SLC2A7: variants seen among roughly 807,000 people sequenced by gnomAD.
SLC2A7 encodes solute carrier family 2 member 7, also known as solute carrier family 2, facilitated glucose transporter member 7.
Under a neutral mutation model 50.5 loss-of-function variants are expected in SLC2A7, and 50 were observed. The ratio of observed to expected loss-of-function variants is 0.99; its 90% CI spans 0.79 to 1.25. The LOEUF (loss-of-function observed/expected upper bound fraction) is 1.25, where lower values mean the gene tolerates loss of function less well. SLC2A7 is among the 50% of genes most tolerant of loss of function. The probability of loss-of-function intolerance (pLI) is 0.00; values close to 1 mark genes in which losing one functional copy is unlikely to be tolerated. For synonymous variants in SLC2A7, 308 were observed against 300.4 expected, an observed-to-expected ratio of 1.03 and a Z score of -0.26; for missense variants, 683 against 679.1, an observed-to-expected ratio of 1.01 and a Z score of -0.06.
intron 3 of SLC2A7, among the ~76,000 whole-genome samples, chr1:9,022,242 C>T (rs1204457037): frequency 2.6e-5 from 4 of 152,184 alleles, no homozygotes; most frequent in South Asian, 2.1e-4. Context: ...ACTGTGAGTC[C>T]GAATGAGTGG....
At chr1:9,015,022 C>T in intron 6 of SLC2A7, 95 bp downstream of exon 6, 5 of 1,560,946 alleles carry the variant, frequency 3.2e-6, no homozygotes, top group Non-Finnish European at 4.3e-6. Flanking sequence ...AGCTCTCACC[C>T]CTGACCCATG....
rs564561084 is a variant in SLC2A7, at chr1:9,008,150, G to A, written c.1117-765C>T. Among the ~76,000 whole-genome samples the A allele has an allele frequency of 6.6e-5, 10 of 152,112 alleles. No individual in the cohort carries two copies. Among genetic ancestry groups the A allele is most frequent in the East Asian group, 5.8e-4 (3 of 5,176 alleles). On this transcript the variant is annotated intron_variant, in intron 9 of 11. Transcript: ENST00000400906. The surrounding 1 kb of genome is among the most constrained non-coding windows in gnomAD (Gnocchi z 5.9). ...ACAGCCAATGCAAAACCGGGTCAAC[G>A]GACTTCAGCCAAACTAACCGGGTGC... is the stretch of plus-strand genomic sequence containing the variant.
At chr1:9,005,189 G>T (rs2124235504) in intron 10 of SLC2A7, among the ~76,000 whole-genome samples, 1 of 152,350 alleles carries the variant, frequency 6.6e-6, no homozygotes, top group East Asian at 1.9e-4. Context: ...GGGAGCAGCA[G>T]GAGTGAGTGG....
At chr1:8,994,835 A>G in the SLC2A7 span, among the ~76,000 whole-genome samples, 2 of 151,724 alleles carry the variant, frequency 1.3e-5, no homozygotes, top group Non-Finnish European at 2.9e-5. Context: ...CAGTAGCACA[A>G]TCTCGGCTCA....
chr1:9,000,003 T>C (rs951273671), downstream of SLC2A7, among the ~76,000 whole-genome samples: 5 of 152,170 alleles, frequency 3.3e-5, no homozygotes, highest in Non-Finnish European at 7.4e-5. Context: ...TTCCACCCGA[T>C]TTATGTGAGG....
intron 5 of SLC2A7, 58 bp from the exon 6 acceptor site, chr1:9,015,300 C>G: frequency 6.7e-7 from 1 of 1,503,142 alleles, no homozygotes; most frequent in Non-Finnish European, 8.8e-7. Flanking sequence ...GCCCACCTAC[C>G]ACTGTGCTCG....
chr1:9,004,958 G>T (rs1640633921), intron 10 of SLC2A7, 79 bp from the exon 11 acceptor site: 18 of 1,495,406 alleles, frequency 1.2e-5, no homozygotes, highest in Middle Eastern at 2.3e-4. Flanking sequence ...GCCCACTCTA[G>T]CCTCTGACCT....
At chr1:9,020,673 CTCTT>C (rs1640900076) in intron 3 of SLC2A7, among the ~76,000 whole-genome samples, 1 of 138,334 alleles carries the variant, frequency 7.2e-6, no homozygotes. Flanking sequence ...CTGATATTCT[CTCTT>C]TTTTTTTTTT....
intron 5 of SLC2A7, 118 bp downstream of exon 5, chr1:9,018,105 G>T: frequency 7.1e-7 from 1 of 1,400,628 alleles, no homozygotes. Flanking sequence ...CCACCACACT[G>T]CCCAACACCT....
At chr1:9,013,402 T>C in intron 8 of SLC2A7, 123 bp downstream of exon 8, 1 of 699,946 alleles carries the variant, frequency 1.4e-6, no homozygotes, top group Admixed American at 2.9e-5. Flanking sequence ...CTAAAGTCCA[T>C]GTCCCTTAAA....
chr1:8,998,703 T>C (rs1056639593), downstream of SLC2A7, among the ~76,000 whole-genome samples: 24 of 152,052 alleles, frequency 1.6e-4, no homozygotes, highest in African/African-American at 5.8e-4. Context: ...AAAAACAGCC[T>C]GCTGGAATTT....
At chr1:9,017,941 A>T (rs1193440303) in intron 5 of SLC2A7, among the ~76,000 whole-genome samples, 1 of 152,122 alleles carries the variant, frequency 6.6e-6, no homozygotes, top group African/African-American at 2.4e-5. Flanking sequence ...CATGGCTTGA[A>T]AGAAACCTCT....
intron 11 of SLC2A7, among the ~76,000 whole-genome samples, chr1:9,004,413 A>G (rs1640622040): frequency 6.6e-6 from 1 of 151,214 alleles, no homozygotes; most frequent in Non-Finnish European, 1.5e-5. Context: ...GAGAGCGCAG[A>G]GTTTGTGGCC....
intron 8 of SLC2A7, among the ~76,000 whole-genome samples, chr1:9,012,146 A>G (rs1404503880): frequency 6.6e-6 from 1 of 152,098 alleles, no homozygotes; most frequent in Non-Finnish European, 1.5e-5. Context: ...TAGCTGACTC[A>G]TGTCCTCCCA....
At chr1:8,993,834 G>T in the SLC2A7 span, among the ~76,000 whole-genome samples, 1 of 151,886 alleles carries the variant, frequency 6.6e-6, no homozygotes, top group Non-Finnish European at 1.5e-5. Flanking sequence ...TCACCATGTT[G>T]GCCAGGATGG....
chr1:9,004,860 C>T lies in SLC2A7; in HGVS notation c.1212G>A (p.Val404=), dbSNP rs1465555886. The T allele has an allele frequency of 1.2e-6, 2 of 1,613,732 alleles. No homozygotes were observed. Among genetic ancestry groups the T allele is most frequent in the African/African-American group, 1.3e-5 (1 of 74,880 alleles). Residue 404 remains valine, a synonymous_variant, in exon 11 of 12, where the codon GTG becomes GTA. Coordinates refer to ENST00000400906, the MANE Select transcript of SLC2A7 (RefSeq NM_207420.3). The part of the protein sequence containing the change: ...SIGPSPVPSV[V]RTEIFLQSSR... ...AGGACTGCAGGAAGATCTCGGTCCT[C>T]ACCACCGAGGGGACAGGACCTGGAG...
intron 8 of SLC2A7, among the ~76,000 whole-genome samples, chr1:9,011,533 C>A (rs1214126939): frequency 6.6e-6 from 1 of 151,692 alleles, no homozygotes; most frequent in African/African-American, 2.4e-5. Flanking sequence ...ATAAAAATAG[C>A]CCCCTCCTAT....
chr1:9,019,389 C>A, intron 3 of SLC2A7, 56 bp from the exon 4 acceptor site: 1 of 1,600,444 alleles, frequency 6.2e-7, no homozygotes, highest in South Asian at 1.1e-5. Flanking sequence ...GGAAGCCCTC[C>A]CAACACCAGC....
intron 3 of SLC2A7, among the ~76,000 whole-genome samples, chr1:9,021,268 C>G (rs1328717247): frequency 6.6e-6 from 1 of 152,168 alleles, no homozygotes; most frequent in African/African-American, 2.4e-5. Context: ...CCTCAGCCTC[C>G]CAAAGTGCTG....
Sources: allele counts gnomAD v4.1 joint callset (sites outside exome capture counted in the v4.1 genomes callset), GRCh38; gene constraint gnomAD v4.1.1; non-coding constraint Gnocchi (gnomAD v3.1); transcripts MANE v1.5; gene names NCBI Gene and HGNC (gene_info 2026-07-23, HGNC 2026-07-21).